Variants in KIF16B observed in about 807,000 individuals in gnomAD.
KIF16B encodes the protein kinesin family member 16B, also known as kinesin-like protein KIF16B.
A neutral mutation model predicts 156.3 loss-of-function variants in KIF16B; 98 were observed. The ratio of observed to expected loss-of-function variants is 0.63; its 90% CI spans 0.53 to 0.74. KIF16B has a LOEUF of 0.74. Ranked by LOEUF, KIF16B falls within the 30% of genes least tolerant of loss-of-function variation. The probability of loss-of-function intolerance (pLI) is 0.00; values close to 1 mark genes in which losing one functional copy is unlikely to be tolerated. For synonymous variants in KIF16B, 564 were observed against 583.7 expected (o/e 0.97, Z 0.49); for missense variants, 1,421 against 1,606.5 (o/e 0.88, Z 1.97).
intron 12 of KIF16B, among the ~76,000 whole-genome samples, chr20:16,444,405 C>A (rs942533516): frequency 6.6e-6 from 1 of 152,032 alleles, no homozygotes; most frequent in East Asian, 1.9e-4. Context: ...AATATTACTT[C>A]ATGATGTGTA....
chr20:16,558,185 G>A (rs1371967240), intron 1 of KIF16B, among the ~76,000 whole-genome samples: 3 of 152,328 alleles, frequency 2.0e-5, no homozygotes. Context: ...GGCAGGTGCC[G>A]AGGTCCTGAA....
chr20:16,544,822 C>T (rs6044102), intron 1 of KIF16B, among the ~76,000 whole-genome samples: 80,012 of 151,646 alleles, frequency 0.53, 21,242 homozygotes, highest in Non-Finnish European at 0.55. Context: ...TTTCACAACA[C>T]CTAGCACTGT....
intron 19 of KIF16B, among the ~76,000 whole-genome samples, chr20:16,377,258 T>C (rs2064974802): frequency 6.6e-6 from 1 of 152,022 alleles, no homozygotes; most frequent in Non-Finnish European, 1.5e-5. Context: ...CAATCTGAGC[T>C]TCAGTTAAGA....
chr20:16,297,888 C>G (rs952543969), intron 25 of KIF16B, among the ~76,000 whole-genome samples: 1 of 152,080 alleles, frequency 6.6e-6, no homozygotes, highest in Non-Finnish European at 1.5e-5. Flanking sequence ...TCATGTCTCC[C>G]TGGAAGATGG....
At chr20:16,415,884 T>C (rs2066074162) in intron 15 of KIF16B, among the ~76,000 whole-genome samples, 1 of 152,154 alleles carries the variant, frequency 6.6e-6, no homozygotes, top group Non-Finnish European at 1.5e-5. Flanking sequence ...GGAATGTAGC[T>C]ATAGCCTGAA....
chr20:16,568,979 T>G (rs2076202580), intron 1 of KIF16B, among the ~76,000 whole-genome samples: 1 of 152,068 alleles, frequency 6.6e-6, no homozygotes, highest in South Asian at 2.1e-4. Flanking sequence ...TGAGATAGTA[T>G]TAAGAGGTAG....
At chr20:16,358,810 A>G (rs2123174729) in intron 22 of KIF16B, among the ~76,000 whole-genome samples, 1 of 152,354 alleles carries the variant, frequency 6.6e-6, no homozygotes, top group South Asian at 2.1e-4. Context: ...TTGCCTAGGC[A>G]TGTTCTGTCA....
At chr20:16,450,794 A>G (rs2067059650) in intron 12 of KIF16B, among the ~76,000 whole-genome samples, 1 of 152,242 alleles carries the variant, frequency 6.6e-6, no homozygotes, top group Non-Finnish European at 1.5e-5. Context: ...AAGAGGAAAC[A>G]AACAGAGTCA....
chr20:16,406,527 A>T, intron 15 of KIF16B, 71 bp from the exon 16 acceptor site: 1 of 1,205,250 alleles, frequency 8.3e-7, no homozygotes, highest in African/African-American at 1.5e-5. Context: ...CATAACATGG[A>T]ATTCTACTGT....
intron 12 of KIF16B, among the ~76,000 whole-genome samples, chr20:16,486,341 G>A (rs1390585999): frequency 2.6e-5 from 4 of 152,026 alleles, no homozygotes; most frequent in Non-Finnish European, 5.9e-5. Context: ...TCTATTATGG[G>A]GAGAATATTT....
chr20:16,523,415 G>A (rs1438984150), intron 3 of KIF16B, among the ~76,000 whole-genome samples: 1 of 152,148 alleles, frequency 6.6e-6, no homozygotes, highest in Non-Finnish European at 1.5e-5. Flanking sequence ...GCCAAATCAT[G>A]AGTGAACTCC....
In KIF16B at chr20:16,379,864, T is replaced by C. The variant is rs1314297895; in HGVS notation, c.2138A>G (p.Lys713Arg). Residue 713 changes from lysine to arginine, a missense_variant, in exon 19 of 26, where the codon AAA (lysine) becomes AGA (arginine). Coordinates refer to ENST00000354981, the MANE Select transcript of KIF16B (RefSeq NM_024704.5). ...AGCCTTCTCGTTGTTGTTGAGTTCTTTGAGTCGTTGGAGTTCTTCTTGGAC... is the reference window on the plus strand; with the variant it reads ...AGCCTTCTCGTTGTTGTTGAGTTCTCTGAGTCGTTGGAGTTCTTCTTGGAC... ...LRVQEELQRL[K>R]ELNNNEKAEK... The C allele has an allele frequency of 1.9e-6, 3 of 1,614,266 alleles. No homozygotes were observed. Among genetic ancestry groups the C allele is most frequent in the South Asian group, 1.1e-5 (1 of 91,084 alleles).
intron 12 of KIF16B, among the ~76,000 whole-genome samples, 194 bp from the exon 13 acceptor site, chr20:16,430,176 G>A (rs188124675): frequency 1.2e-3 from 180 of 152,252 alleles, no homozygotes; most frequent in Non-Finnish European, 1.9e-3. Flanking sequence ...TATAAAAAGC[G>A]AAATATAAAA....
intron 12 of KIF16B, among the ~76,000 whole-genome samples, chr20:16,490,011 G>T (rs6105614): frequency 6.6e-6 from 1 of 151,980 alleles, no homozygotes; most frequent in African/African-American, 2.4e-5. Context: ...GCATCACTGG[G>T]ACAGGACCGC....
Position 16,349,380 on chromosome 20 carries a change from C to T in KIF16B, c.3621+6950G>A, listed in dbSNP as rs114077563. Among the ~76,000 whole-genome samples, 613 of 152,274 alleles carry T rather than the reference C, an allele frequency of 4.0e-3. 6 individuals are homozygous for T. Among genetic ancestry groups the T allele is most frequent in the African/African-American group, 0.014 (572 of 41,556 alleles). Reference sequence around the variant, plus strand: ...GACTCTGAGCATCCCTGGAGGCCACCATGTCATCAAGGTGATTTTCTCCAT... The same window carrying T: ...GACTCTGAGCATCCCTGGAGGCCACTATGTCATCAAGGTGATTTTCTCCAT... On this transcript the variant is annotated intron_variant, in intron 23 of 25. Transcript: ENST00000354981.
chr20:16,281,031 A>G (rs1048479906), intron 25 of KIF16B, among the ~76,000 whole-genome samples: 2 of 152,186 alleles, frequency 1.3e-5, no homozygotes, highest in South Asian at 2.1e-4. Flanking sequence ...GCTCATGACT[A>G]TAACTGCAGC....
intron 12 of KIF16B, among the ~76,000 whole-genome samples, chr20:16,438,141 C>A (rs533405320): frequency 6.6e-6 from 1 of 151,640 alleles, no homozygotes; most frequent in African/African-American, 2.4e-5. Flanking sequence ...AGCAAGACTC[C>A]GTCTCAAAAA....
chr20:16,390,875 G>A (rs974152633), intron 17 of KIF16B, among the ~76,000 whole-genome samples: 20 of 152,302 alleles, frequency 1.3e-4, no homozygotes, highest in Admixed American at 5.2e-4. Flanking sequence ...AATGGACAGC[G>A]TGCCTTTGGA....
intron 22 of KIF16B, chr20:16,368,159 C>T (rs1277868670): frequency 9.0e-6 from 10 of 1,106,744 alleles, no homozygotes; most frequent in Non-Finnish European, 1.1e-5. Flanking sequence ...AAAGGGCACT[C>T]TTGCAGTTTC....
Sources: gnomAD v4.1 joint callset for allele counts (sites outside exome capture counted in the v4.1 genomes callset) on GRCh38, gnomAD v4.1.1 for gene constraint, MANE v1.5 for transcripts, NCBI Gene and HGNC (gene_info 2026-07-23, HGNC 2026-07-21) for gene names.